UNKL: variants seen among roughly 807,000 people sequenced by gnomAD.
UNKL encodes the protein unk like zinc finger, also known as putative E3 ubiquitin-protein ligase UNKL.
Under a neutral mutation model 78.0 loss-of-function variants are expected in UNKL, and 60 were observed. The observed-to-expected ratio is 0.77, with a 90% CI of 0.63 to 0.95. The LOEUF is 0.95. Ranked by LOEUF, UNKL falls within the 40% of genes least tolerant of loss-of-function variation. The pLI, the probability that UNKL is intolerant of heterozygous loss-of-function variation, is 0.00. For synonymous variants in UNKL, 608 were observed against 474.8 expected (o/e 1.28, Z -3.65); for missense variants, 1,159 against 1,045.7 (o/e 1.11, Z -1.49).
intron 10 of UNKL, among the ~76,000 whole-genome samples, chr16:1,384,864 G>A (rs879938484): frequency 3.3e-5 from 5 of 151,988 alleles, no homozygotes; most frequent in African/African-American, 7.2e-5. Context: ...CTCCCACAGC[G>A]CTGGGAGCAC....
In UNKL at chr16:1,395,667, G is replaced by A. The variant is rs748365464; in HGVS notation, c.853-1452C>T. On this transcript the variant is annotated intron_variant, in intron 6 of 14. Transcript: ENST00000389221. ...ACCTGGGGCGGGGCCCAGGCGGGAG[G>A]GTTTATCTCCCTCAGGATTTATGGT... is the stretch of plus-strand genomic sequence containing the variant. 1.2e-4 allele frequency: 53 copies of A among 455,600 alleles called. 1 individual carries two copies. The highest frequency in any genetic ancestry group is 7.6e-4 in the East Asian group (11 of 14,382). The allele number at this position is 455,600 out of a possible 1,614,324, so 28.2% of individuals were successfully genotyped here.
At chr16:1,398,655 G>A in intron 5 of UNKL, 1 of 1,439,478 alleles carries the variant, frequency 6.9e-7, no homozygotes. Flanking sequence ...CATGGCCCAG[G>A]CATCCAGACA....
rs375224799 is a variant in UNKL, at chr16:1,367,365, C to T, written c.1789-16G>A. 3.3e-5 allele frequency: 50 copies of T among 1,529,546 alleles called. No homozygotes were observed. Among genetic ancestry groups the T allele is most frequent in the Middle Eastern group, 1.9e-4 (1 of 5,284 alleles). The allele number at this position is 1,529,546 out of a possible 1,614,324, so 94.7% of individuals were successfully genotyped here. A position where few individuals can be genotyped will look rare whatever the true frequency, so the allele number is the denominator to read the frequency against. The stretch of plus-strand genomic sequence containing the variant: ...CATCGCAGACCTGAAACCCAGGGCC[C>T]GTCTCAGCACCCCCCACCTCACCTG... On this transcript the variant is annotated splice_polypyrimidine_tract_variant and intron_variant, in intron 13 of 14. Transcript: ENST00000389221.
intron 2 of UNKL, among the ~76,000 whole-genome samples, chr16:1,405,539 G>A (rs543673742): frequency 6.6e-6 from 1 of 151,616 alleles, no homozygotes; most frequent in African/African-American, 2.4e-5. Flanking sequence ...TCGCGCCACT[G>A]TACTCCAGGC....
intron 6 of UNKL, chr16:1,395,673 T>C (rs1264781487): frequency 4.4e-6 from 2 of 456,046 alleles, no homozygotes; most frequent in South Asian, 3.1e-5. Context: ...GGAGGGTTTA[T>C]CTCCCTCAGG....
chr16:1,413,691 T>A (rs1252261601), intron 2 of UNKL, among the ~76,000 whole-genome samples, 155 bp downstream of exon 2: 1 of 152,242 alleles, frequency 6.6e-6, no homozygotes, highest in Non-Finnish European at 1.5e-5. Context: ...CGCCCCAGCA[T>A]CCCTGGTCAC....
rs2037528607 is a variant in UNKL, at chr16:1,401,555, G to A, written c.598+13C>T. The A allele has an allele frequency of 5.1e-6, 8 of 1,553,646 alleles. No homozygotes were observed. Among genetic ancestry groups the A allele is most frequent in the South Asian group, 1.2e-5 (1 of 84,684 alleles). On this transcript the variant is annotated intron_variant, in intron 4 of 14. Transcript: ENST00000389221. Reference sequence around the variant, plus strand: ...CCCCCCACCACCGCCCTCAGCTGCGGCCGTGGAGTTACCTTGCCACCGGGG... The same window carrying A: ...CCCCCCACCACCGCCCTCAGCTGCGACCGTGGAGTTACCTTGCCACCGGGG...
chr16:1,410,581 T>C (rs2037995085), intron 2 of UNKL, among the ~76,000 whole-genome samples: 2 of 152,222 alleles, frequency 1.3e-5, no homozygotes, highest in African/African-American at 4.8e-5. Flanking sequence ...CACTCCAGCC[T>C]GGGTGACATA....
chr16:1,410,778 T>C (rs1397316214), intron 2 of UNKL, among the ~76,000 whole-genome samples: 1 of 152,136 alleles, frequency 6.6e-6, no homozygotes, highest in Non-Finnish European at 1.5e-5. Context: ...AGCCCAGACA[T>C]CAACTAGACA....
chr16:1,390,687 C>T lies in UNKL; in HGVS notation c.1031G>A (p.Arg344Gln), dbSNP rs560286218. 22 of 1,536,004 alleles carry T rather than the reference C, an allele frequency of 1.4e-5. No homozygotes were observed. Among genetic ancestry groups the T allele is most frequent in the Admixed American group, 9.8e-5 (5 of 50,992 alleles). Residue 344 changes from arginine to glutamine, a missense_variant, in exon 9 of 15, where the codon CGG (arginine) becomes CAG (glutamine). Arg to Gln is a conservative substitution (Grantham distance 43). Coordinates refer to ENST00000389221, the MANE Select transcript of UNKL (RefSeq NM_001372107.1). ...TGSGQPGNAK[R>Q]RDSPAEGGPR... ...GCCACCCTCGGCCGGCGAGTCTCTC[C>T]GCTTGGCCTGCAACATAAAAAACAG...
chr16:1,414,226 A>C, intron 1 of UNKL, 171 bp from the exon 2 acceptor site: 1 of 669,538 alleles, frequency 1.5e-6, no homozygotes, highest in Non-Finnish European at 2.4e-6. Context: ...TCCAGACGCG[A>C]CCCTCACCCG....
chr16:1,394,849 G>A (rs572820903), intron 6 of UNKL, among the ~76,000 whole-genome samples: 4 of 152,246 alleles, frequency 2.6e-5, no homozygotes, highest in Non-Finnish European at 4.4e-5. Flanking sequence ...CCACCACGTC[G>A]GGCACCCGGT....
chr16:1,390,407 G>A (rs1159888528), intron 9 of UNKL, among the ~76,000 whole-genome samples: 1 of 152,206 alleles, frequency 6.6e-6, no homozygotes. Context: ...TTGTTTCCAA[G>A]GTATAACACG....
In UNKL at chr16:1,370,180, C is replaced by G; in HGVS notation, c.1535G>C (p.Arg512Pro). ...AGAGCCCAGTGTGCCCGGCTCTGAA[C>G]GCAGGGGTGGCGGCTGCTGGGGAGG... ...MTPPQQPPPLRSEPGTLGSAA... is the reference protein window; with the variant it reads ...MTPPQQPPPLPSEPGTLGSAA... The change falls in exon 12 of 15, where the codon CGT becomes CCT. Residue 512 changes from arginine (R) to proline (P), a missense_variant. Arg to Pro is a moderately radical substitution (Grantham distance 103, BLOSUM62 -2). Coordinates refer to ENST00000389221, the MANE Select transcript of UNKL (RefSeq NM_001372107.1). 1 of 1,517,672 alleles carries G rather than the reference C, an allele frequency of 6.6e-7. No homozygotes were observed. Among genetic ancestry groups the G allele is most frequent in the South Asian group, 1.2e-5 (1 of 80,734 alleles). 94.0% of individuals were successfully genotyped at this position (1,517,672 alleles called of 1,614,324 possible). A position where few individuals can be genotyped will look rare whatever the true frequency, so the allele number is the denominator to read the frequency against.
chr16:1,392,829 C>A (rs1302187301), intron 8 of UNKL, 62 bp downstream of exon 8: 1 of 1,525,906 alleles, frequency 6.6e-7, no homozygotes, highest in African/African-American at 1.4e-5. Flanking sequence ...CCATCCACAT[C>A]CCTAAGAGTT....
chr16:1,385,745 C>A (rs1459141978), intron 9 of UNKL, among the ~76,000 whole-genome samples: 1 of 152,262 alleles, frequency 6.6e-6, no homozygotes, highest in African/African-American at 2.4e-5. Context: ...AGCCGTGCAG[C>A]CTGCCTGCCC....
chr16:1,371,712 ACCAAGGGCAGAAGG>A, intron 10 of UNKL, 101 bp from the exon 11 acceptor site: 2 of 1,254,450 alleles, frequency 1.6e-6, no homozygotes, highest in Non-Finnish European at 2.2e-6. Context: ...TTAGAGTGAG[ACCAAGGGCAGAAGG>A]CGTGGGAGTT....
rs917306839 is a variant in UNKL at position 1,364,266 on chromosome 16, A to G, written c.*1974T>C. On this transcript the variant is annotated 3_prime_UTR_variant, in exon 15 of 15. Coordinates refer to ENST00000389221, the MANE Select transcript of UNKL (RefSeq NM_001372107.1). ...TCACGGACCCACTTCCTTTAAAACA[A>G]CAGAATGTTGCTATCAGTTTGTCTT... 4 of 152,234 alleles carry G rather than the reference A, an allele frequency of 2.6e-5. No homozygotes were observed. Among genetic ancestry groups the G allele is most frequent in the Admixed American group, 2.6e-4 (4 of 15,276 alleles). 9.4% of individuals were successfully genotyped at this position (152,234 alleles called of 1,614,324 possible). A position where few individuals can be genotyped will look rare whatever the true frequency, so the allele number is the denominator to read the frequency against.
At chr16:1,413,724 A>G in intron 2 of UNKL, 122 bp downstream of exon 2, 2 of 1,118,598 alleles carry the variant, frequency 1.8e-6, no homozygotes, top group South Asian at 1.7e-5. Flanking sequence ...GCGTATAATT[A>G]CGACTCCCTC....
Sources: allele counts gnomAD v4.1 joint callset (sites outside exome capture counted in the v4.1 genomes callset), GRCh38; gene constraint gnomAD v4.1.1; transcripts MANE v1.5; gene names NCBI Gene and HGNC (gene_info 2026-07-23, HGNC 2026-07-21).